The following BCO2 variants were observed in gnomAD, a reference collection of about 807,000 sequenced individuals.
BCO2 encodes the protein beta-carotene oxygenase 2, also known as carotenoid-cleaving dioxygenase, mitochondrial.
In BCO2, 56 loss-of-function variants were observed where a neutral mutation model predicts 65.8. That is an observed-to-expected ratio of 0.85 (90% CI 0.69 to 1.06). The LOEUF (loss-of-function observed/expected upper bound fraction) is 1.06. Among genes scored for constraint, BCO2 ranks in the 50% least tolerant of loss-of-function variants. The probability of loss-of-function intolerance (pLI) is 0.00; values close to 1 mark genes in which losing one functional copy is unlikely to be tolerated. For synonymous variants in BCO2, 233 were observed against 242.3 expected (o/e 0.96, Z 0.36); for missense variants, 675 against 698.5 (o/e 0.97, Z 0.38).
chr11:112,179,211 G>C, intron 1 of BCO2, 67 bp from the exon 2 acceptor site: 1 of 1,453,286 alleles, frequency 6.9e-7, no homozygotes, highest in South Asian at 1.1e-5. Flanking sequence ...TATTGTCTGT[G>C]GGAAACAGGC....
Position 112,202,023 on chromosome 11 carries a change from C to A in BCO2, c.1027C>A (p.Leu343Ile). 1 of 1,567,588 alleles carries A rather than the reference C, an allele frequency of 6.4e-7. No homozygotes were observed. Among genetic ancestry groups the A allele is most frequent in the Non-Finnish European group, 8.6e-7 (1 of 1,162,302 alleles). Residue 343 changes from leucine (L) to isoleucine (I), a missense_variant and splice_region_variant, in exon 8 of 12, where the codon CTC (leucine) becomes ATC (isoleucine). Coordinates refer to ENST00000357685, the MANE Select transcript of BCO2 (RefSeq NM_031938.7). The stretch of plus-strand genomic sequence containing the variant: ...TCATTGTTTGTGTTTTCCCCTGCAG[C>A]TCCTTCCAGGGAGATACTACAGCAA... ...FHVVEKRTGQ[L>I]LPGRYYSKPF...
intron 7 of BCO2, 127 bp from the exon 8 acceptor site, chr11:112,201,896 G>T: frequency 2.8e-6 from 2 of 714,454 alleles, no homozygotes; most frequent in South Asian, 4.4e-5. Flanking sequence ...TACTGGACCT[G>T]CCACTTCAGA....
intron 9 of BCO2, among the ~76,000 whole-genome samples, chr11:112,214,479 T>C (rs1378251749): frequency 6.6e-6 from 1 of 152,242 alleles, no homozygotes; most frequent in Non-Finnish European, 1.5e-5. Context: ...AATATGTGCT[T>C]AGCACAGACC....
intron 2 of BCO2, among the ~76,000 whole-genome samples, chr11:112,189,498 C>T (rs757788137): frequency 5.9e-5 from 9 of 151,692 alleles, no homozygotes; most frequent in Non-Finnish European, 1.0e-4. Flanking sequence ...CTCCACCTCC[C>T]GGGTTCATGC....
intron 10 of BCO2, chr11:112,215,303 A>T: frequency 3.3e-6 from 1 of 301,130 alleles, no homozygotes; most frequent in South Asian, 3.3e-5. Context: ...TCTTTCTCCC[A>T]TATTCAACTC....
At chr11:112,179,554 C>A in intron 2 of BCO2, 72 bp downstream of exon 2, 1 of 1,287,260 alleles carries the variant, frequency 7.8e-7, no homozygotes. Flanking sequence ...GCATTAATAT[C>A]TGCTTCCTCT....
intron 2 of BCO2, among the ~76,000 whole-genome samples, chr11:112,185,665 A>C (rs1289063602): frequency 6.6e-6 from 1 of 152,294 alleles, no homozygotes; most frequent in East Asian, 1.9e-4. Context: ...TCACACTATC[A>C]TAAGCCTTTT....
chr11:112,207,943 G>T, intron 8 of BCO2, among the ~76,000 whole-genome samples: 1 of 137,726 alleles, frequency 7.3e-6, no homozygotes, highest in African/African-American at 2.7e-5. Context: ...TTTTATGTTA[G>T]TGTTGCTATA....
At chr11:112,178,815 T>C (rs1246102844) in intron 1 of BCO2, among the ~76,000 whole-genome samples, 1 of 152,226 alleles carries the variant, frequency 6.6e-6, no homozygotes, top group Non-Finnish European at 1.5e-5. Flanking sequence ...TATGAAGTCT[T>C]TGGAATCACA....
chr11:112,207,289 G>T (rs776674400), intron 8 of BCO2, among the ~76,000 whole-genome samples: 1 of 152,052 alleles, frequency 6.6e-6, no homozygotes, highest in Non-Finnish European at 1.5e-5. Flanking sequence ...ATTGCTATAG[G>T]TATTTTTCTA....
Position 112,218,021 on chromosome 11 carries a change from T to C in BCO2, c.*147T>C. 1 of 595,526 alleles carries C rather than the reference T, an allele frequency of 1.7e-6. No homozygotes were observed. Among genetic ancestry groups the C allele is most frequent in the East Asian group, 2.9e-5 (1 of 35,046 alleles). 36.9% of individuals were successfully genotyped at this position (595,526 alleles called of 1,614,324 possible). A position where few individuals can be genotyped will look rare whatever the true frequency, so the allele number is the denominator to read the frequency against. On this transcript the variant is annotated 3_prime_UTR_variant, in exon 12 of 12. Transcript: ENST00000357685. ...AAAAGCTACCTATTGAATACTATGT[T>C]CCCTATTTGGGTGATGGGTTCGTTA...
rs913017737 is a variant in BCO2, at chr11:112,218,440, G to A, written c.*566G>A. The A allele has an allele frequency of 2.8e-5, 6 of 216,630 alleles. No individual in the cohort carries two copies. Among genetic ancestry groups the A allele is most frequent in the South Asian group, 1.4e-4 (2 of 13,952 alleles). 13.4% of individuals were successfully genotyped at this position (216,630 alleles called of 1,614,324 possible). A position where few individuals can be genotyped will look rare whatever the true frequency, so the allele number is the denominator to read the frequency against. The stretch of plus-strand genomic sequence containing the variant: ...CCTAGCATGTGCAATTTGTGAAGCT[G>A]CCAAAGCGTTAGACAAGCACCAAGC... On this transcript the variant is annotated 3_prime_UTR_variant, in exon 12 of 12. Transcript: ENST00000357685.
intron 2 of BCO2, among the ~76,000 whole-genome samples, chr11:112,187,138 C>A (rs898538402): frequency 1.4e-4 from 22 of 152,346 alleles, no homozygotes; most frequent in East Asian, 9.6e-4. Context: ...TCCCATTAAA[C>A]TTATTTTTTT....
chr11:112,202,779 C>T (rs934298760), intron 8 of BCO2, among the ~76,000 whole-genome samples: 17 of 152,136 alleles, frequency 1.1e-4, no homozygotes, highest in African/African-American at 4.1e-4. Flanking sequence ...GGCACGGTGG[C>T]TCACGCTTGT....
intron 2 of BCO2, among the ~76,000 whole-genome samples, chr11:112,187,978 C>A (rs1867249843): frequency 6.6e-6 from 1 of 152,134 alleles, no homozygotes; most frequent in Non-Finnish European, 1.5e-5. Flanking sequence ...TAGCACAATA[C>A]CTGGCATGTA....
chr11:112,202,145 T>C lies in BCO2; in HGVS notation c.1149T>C (p.Val383=), dbSNP rs1181860458. 1.9e-6 allele frequency: 3 copies of C among 1,613,830 alleles called. No homozygotes were observed. The East Asian group carries it at 6.7e-5, about 36-fold the overall frequency. ...CCQDNGRTLE[V]YQLQNLRKAG... is the part of the protein sequence containing the mutation. ...AAGATAATGGAAGAACCCTAGAAGT[T>C]TACCAGTTACAGAATCTCAGGAAGG... The change falls in exon 8 of 12, where the codon GTT becomes GTC. Residue 383 remains valine (V), a synonymous_variant. Coordinates refer to ENST00000357685, the MANE Select transcript of BCO2 (RefSeq NM_031938.7).
chr11:112,186,901 G>A (rs1867215205), intron 2 of BCO2, among the ~76,000 whole-genome samples: 1 of 152,134 alleles, frequency 6.6e-6, no homozygotes, highest in Non-Finnish European at 1.5e-5. Context: ...AATAGCGTCA[G>A]CACCTTTAGT....
intron 8 of BCO2, among the ~76,000 whole-genome samples, chr11:112,202,622 TGA>T (rs1048028882): frequency 2.0e-5 from 3 of 152,020 alleles, no homozygotes; most frequent in Admixed American, 6.6e-5. Context: ...TGGCAAATAA[TGA>T]GAGAGAGTAG....
intron 8 of BCO2, among the ~76,000 whole-genome samples, chr11:112,206,811 C>T (rs1468047518): frequency 6.6e-6 from 1 of 152,164 alleles, no homozygotes; most frequent in Non-Finnish European, 1.5e-5. Flanking sequence ...CAATTGACAT[C>T]TTTACAATAT....
Sources: gnomAD v4.1 joint callset for allele counts (sites outside exome capture counted in the v4.1 genomes callset) on GRCh38, gnomAD v4.1.1 for gene constraint, MANE v1.5 for transcripts, NCBI Gene and HGNC (gene_info 2026-07-23, HGNC 2026-07-21) for gene names.